SYNPR: variants seen among roughly 807,000 people sequenced by gnomAD.
SYNPR encodes synaptoporin.
SYNPR carries 23 observed loss-of-function variants against 32.9 expected under a neutral mutation model. That is an observed-to-expected ratio of 0.70 (90% confidence interval 0.50 to 0.99). The LOEUF is 0.99. Ranked by LOEUF, SYNPR falls within the 50% of genes least tolerant of loss-of-function variation. The pLI, the probability that SYNPR is intolerant of heterozygous loss-of-function variation, is 0.00. For synonymous variants in SYNPR, 146 were observed against 135.9 expected, an observed-to-expected ratio of 1.07 and a Z score of -0.52; for missense variants, 318 against 349.3, an observed-to-expected ratio of 0.91 and a Z score of 0.71.
chr3:63,447,825 T>C (rs1013176150), intron 2 of SYNPR, among the ~76,000 whole-genome samples: 1 of 152,102 alleles, frequency 6.6e-6, no homozygotes, highest in African/African-American at 2.4e-5. Flanking sequence ...TGTTTTCTTA[T>C]AGTTTCTAGA....
At chr3:63,250,909 G>C (rs890877483) in intron 1 of SYNPR, among the ~76,000 whole-genome samples, 2 of 151,880 alleles carry the variant, frequency 1.3e-5, no homozygotes, top group African/African-American at 4.8e-5. Flanking sequence ...TTTTTTGGCT[G>C]TTTTCTTTTT....
chr3:63,556,914 C>T (rs557060806), intron 4 of SYNPR, among the ~76,000 whole-genome samples, 173 bp downstream of exon 4: 4 of 152,262 alleles, frequency 2.6e-5, no homozygotes, highest in South Asian at 4.1e-4. Flanking sequence ...CTGTCAATCT[C>T]TTGTGCTCCT....
intron 2 of SYNPR, among the ~76,000 whole-genome samples, chr3:63,433,966 C>A (rs1254614558): frequency 6.6e-6 from 1 of 152,130 alleles, no homozygotes; most frequent in African/African-American, 2.4e-5. Flanking sequence ...TCACCACACA[C>A]CTCCCTAAGA....
chr3:63,329,729 C>T (rs1438234374), intron 2 of SYNPR, among the ~76,000 whole-genome samples: 1 of 152,126 alleles, frequency 6.6e-6, no homozygotes, highest in African/African-American at 2.4e-5. Context: ...TTGCCTTTTC[C>T]AGAAATGTCA....
chr3:63,259,460 CA>C (rs200039941), intron 2 of SYNPR, among the ~76,000 whole-genome samples: 3,306 of 152,148 alleles, frequency 0.022, 105 homozygotes, highest in African/African-American at 0.07. Context: ...TAAACAGAAC[CA>C]AAGACAAAAA....
chr3:63,483,866 C>A (rs983294392), intron 3 of SYNPR, among the ~76,000 whole-genome samples: 15 of 152,160 alleles, frequency 9.9e-5, no homozygotes, highest in African/African-American at 3.4e-4. Flanking sequence ...ATGTCACAAG[C>A]CAATGCCAAT....
rs1374169275 is a variant in SYNPR, at chr3:63,408,198, A to AAG, written c.85-72633_85-72632dup. Reference sequence around the variant, plus strand: ...AGAAAGAAAGAAAGAAAGAAAGAGGAAGGAAGGAAGGAAGGAAGGAAGGAA... The same window carrying AAG: ...AGAAAGAAAGAAAGAAAGAAAGAGGAAGAGGAAGGAAGGAAGGAAGGAAGGAA... On this transcript the variant is annotated intron_variant, in intron 2 of 5. Transcript: ENST00000478300. 8.5e-3 allele frequency among the ~76,000 whole-genome samples: 319 copies of AAG among 37,732 alleles called. 23 individuals carry two copies. The highest frequency in any genetic ancestry group is 0.026 in the Middle Eastern group (2 of 76). The allele number at this position is 37,732 out of a possible 152,430, so 24.8% of individuals were successfully genotyped here. A position where few individuals can be genotyped will look rare whatever the true frequency, so the allele number is the denominator to read the frequency against.
intron 2 of SYNPR, among the ~76,000 whole-genome samples, chr3:63,467,103 CAGGCTCACGTCAT>C (rs1700697661): frequency 6.6e-6 from 1 of 152,156 alleles, no homozygotes; most frequent in African/African-American, 2.4e-5. Context: ...CTTAACCCCT[CAGGCTCACGTCAT>C]CCTCCCACCT....
At chr3:63,416,797 G>T (rs1029996709) in intron 2 of SYNPR, among the ~76,000 whole-genome samples, 1 of 152,046 alleles carries the variant, frequency 6.6e-6, no homozygotes, top group Non-Finnish European at 1.5e-5. Flanking sequence ...AAAACCATCA[G>T]ATCTCATGAG....
intron 4 of SYNPR, among the ~76,000 whole-genome samples, chr3:63,575,130 C>T (rs534759009): frequency 2.0e-5 from 3 of 152,222 alleles, no homozygotes; most frequent in East Asian, 3.9e-4. Flanking sequence ...AATCCACCCC[C>T]ACAAGCATGA....
chr3:63,585,363 C>A (rs773158464), intron 4 of SYNPR, among the ~76,000 whole-genome samples: 2 of 151,932 alleles, frequency 1.3e-5, no homozygotes, highest in African/African-American at 2.4e-5. Context: ...GGACAGAAGT[C>A]CCTGGTACTC....
At chr3:63,205,076 A>C in the SYNPR span, among the ~76,000 whole-genome samples, 14 of 151,936 alleles carry the variant, frequency 9.2e-5, no homozygotes, top group East Asian at 2.5e-3. Context: ...TCATTTCCCT[A>C]CTTTATATAT....
At chr3:63,430,741 A>C (rs571412981) in intron 2 of SYNPR, among the ~76,000 whole-genome samples, 1 of 152,180 alleles carries the variant, frequency 6.6e-6, no homozygotes, top group East Asian at 1.9e-4. Context: ...TTCATCACTT[A>C]TTTGTTGGAT....
At chr3:63,381,944 A>T (rs564985718) in intron 2 of SYNPR, among the ~76,000 whole-genome samples, 2 of 152,272 alleles carry the variant, frequency 1.3e-5, no homozygotes, top group East Asian at 3.9e-4. Flanking sequence ...AACGAAATCT[A>T]CTAGTGTCAA....
At chr3:63,235,866 A>G (rs998816758) in intron 1 of SYNPR, among the ~76,000 whole-genome samples, 24 of 152,032 alleles carry the variant, frequency 1.6e-4, no homozygotes, top group African/African-American at 4.8e-4. Context: ...AAAGTTTTTC[A>G]TTTTGATGAA....
rs112954285 is a variant in SYNPR, at chr3:63,608,882, C to T, written c.409-243C>T. 1.6e-3 allele frequency among the ~76,000 whole-genome samples: 246 copies of T among 152,190 alleles called. 1 individual carries two copies. Among genetic ancestry groups the T allele is most frequent in the Non-Finnish European group, 3.0e-3 (205 of 68,020 alleles). On this transcript the variant is annotated intron_variant, in intron 4 of 5. Transcript: ENST00000478300. The stretch of plus-strand genomic sequence containing the variant: ...TAGGTGTGGGTTATAAAGTCCTTAG[C>T]ATCATTCCTGGGATATAGTAAGCAT...
chr3:63,228,121 G>C (rs912214255), upstream of SYNPR, among the ~76,000 whole-genome samples: 4 of 152,154 alleles, frequency 2.6e-5, no homozygotes, highest in South Asian at 2.1e-4. Flanking sequence ...AGGGAGGCCC[G>C]GTAGGAGGCC....
intron 2 of SYNPR, among the ~76,000 whole-genome samples, chr3:63,326,004 T>C (rs2106975082): frequency 6.6e-6 from 1 of 152,138 alleles, no homozygotes; most frequent in Admixed American, 6.5e-5. Context: ...TTTTTATTCA[T>C]TGGTCCATTT....
intron 2 of SYNPR, among the ~76,000 whole-genome samples, chr3:63,375,619 A>G (rs1421363640): frequency 6.6e-6 from 1 of 152,160 alleles, no homozygotes; most frequent in Non-Finnish European, 1.5e-5. Flanking sequence ...TACCTAATAT[A>G]AATGACGAGT....
Sources: gnomAD v4.1 joint callset for allele counts (sites outside exome capture counted in the v4.1 genomes callset) on GRCh38, gnomAD v4.1.1 for gene constraint, MANE v1.5 for transcripts, NCBI Gene and HGNC (gene_info 2026-07-23, HGNC 2026-07-21) for gene names.